The following TRHDE variants were observed in gnomAD, a reference collection of about 807,000 sequenced individuals.
TRHDE encodes the protein thyrotropin-releasing hormone-degrading ectoenzyme.
In TRHDE, 72 loss-of-function variants were observed where a neutral mutation model predicts 125.7. The observed-to-expected ratio is 0.57, with a 90% CI of 0.47 to 0.70. The LOEUF (loss-of-function observed/expected upper bound fraction) is 0.70, where lower values mean the gene tolerates loss of function less well. TRHDE is among the 30% of genes least tolerant of loss of function. TRHDE has a pLI of 0.00. For missense variants in TRHDE, 1,110 were observed against 1,327.1 expected, an observed-to-expected ratio of 0.84 and a Z score of 2.54; for synonymous variants, 509 against 509.1, an observed-to-expected ratio of 1.00 and a Z score of 0.00.
chr12:72,634,019 G>A (rs1326350806), intron 15 of TRHDE, among the ~76,000 whole-genome samples: 2 of 152,062 alleles, frequency 1.3e-5, no homozygotes, highest in Non-Finnish European at 2.9e-5. Context: ...TATTTTCCCA[G>A]AACTGGGCAG....
chr12:72,458,454 T>C (rs528859118), intron 3 of TRHDE, among the ~76,000 whole-genome samples: 1 of 152,170 alleles, frequency 6.6e-6, no homozygotes, highest in Non-Finnish European at 1.5e-5. Context: ...CCTCTGCCTG[T>C]CTCTTAAATC....
intron 2 of TRHDE, among the ~76,000 whole-genome samples, chr12:72,251,425 T>C: frequency 6.8e-6 from 1 of 147,324 alleles, no homozygotes; most frequent in East Asian, 2.0e-4. Context: ...ATTGGGGCTT[T>C]TTTTTTTTTT....
At chr12:72,356,624 A>G (rs1870835485) in intron 2 of TRHDE, among the ~76,000 whole-genome samples, 1 of 151,570 alleles carries the variant, frequency 6.6e-6, no homozygotes, top group African/African-American at 2.4e-5. Flanking sequence ...TATGTGGTTT[A>G]CAGCAATCTA....
intron 6 of TRHDE, among the ~76,000 whole-genome samples, chr12:72,540,089 C>A (rs1869066867): frequency 1.3e-5 from 2 of 151,568 alleles, no homozygotes; most frequent in Admixed American, 1.3e-4. Context: ...ATAGTATGTG[C>A]TTAGTATATG....
intron 2 of TRHDE, among the ~76,000 whole-genome samples, chr12:72,136,624 C>CTG (rs1875991967): frequency 6.6e-6 from 1 of 152,212 alleles, no homozygotes; most frequent in African/African-American, 2.4e-5. Context: ...ATTCTATGTT[C>CTG]TGCAATTTAG....
At chr12:72,091,624 G>A (rs1023687113) in intron 1 of TRHDE, among the ~76,000 whole-genome samples, 2 of 152,178 alleles carry the variant, frequency 1.3e-5, no homozygotes, top group Non-Finnish European at 2.9e-5. Context: ...GTTGGAGGCC[G>A]AAAGACTGAG....
In TRHDE at chr12:72,665,165, A is replaced by G. The variant is rs1355830883; in HGVS notation, c.*1970A>G. 6.6e-6 allele frequency: 1 copy of G among 152,068 alleles called. No individual in the cohort carries two copies. The highest frequency in any genetic ancestry group is 1.5e-5 in the Non-Finnish European group (1 of 67,946). 9.4% of individuals were successfully genotyped at this position (152,068 alleles called of 1,614,324 possible). On this transcript the variant is annotated 3_prime_UTR_variant, in exon 19 of 19. Coordinates refer to ENST00000261180, the MANE Select transcript of TRHDE (RefSeq NM_013381.3). ...TGGTCTATCACCACTGAATTCATGT[A>G]ATAGATAAGAAAAAAATTAGAGGTG...
intron 3 of TRHDE, among the ~76,000 whole-genome samples, chr12:72,416,403 C>T (rs372566234): frequency 1.1e-4 from 17 of 151,898 alleles, no homozygotes; most frequent in African/African-American, 3.6e-4. Flanking sequence ...TTATGTGACC[C>T]CATTTTTTGC....
At chr12:72,223,380 G>A (rs1217087821) in intron 2 of TRHDE, among the ~76,000 whole-genome samples, 1 of 152,034 alleles carries the variant, frequency 6.6e-6, no homozygotes, top group Non-Finnish European at 1.5e-5. Flanking sequence ...TAGAAACCCT[G>A]ATACTGTGAC....
In TRHDE at chr12:72,505,608, T is replaced by C. The variant is rs185843665; in HGVS notation, c.1722+5973T>C. 2.8e-3 allele frequency among the ~76,000 whole-genome samples: 421 copies of C among 152,292 alleles called. 1 individual carries two copies. The highest frequency in any genetic ancestry group is 9.4e-3 in the African/African-American group (392 of 41,560). On this transcript the variant is annotated intron_variant, in intron 6 of 18. Transcript: ENST00000261180. ...CACTTTTTCAGCAATTCTTATGTCG[T>C]GGTTAGTATATCTGTACACCAAACA...
At chr12:72,327,893 A>G (rs930379205) in intron 2 of TRHDE, among the ~76,000 whole-genome samples, 23 of 152,148 alleles carry the variant, frequency 1.5e-4, no homozygotes, top group African/African-American at 5.3e-4. Context: ...TCTTTTTGCC[A>G]CTTGTCTCAC....
chr12:72,184,726 G>A (rs1323542204), intron 2 of TRHDE, among the ~76,000 whole-genome samples: 1 of 151,944 alleles, frequency 6.6e-6, no homozygotes, highest in African/African-American at 2.4e-5. Context: ...AGAGCTTCAG[G>A]CCTTGACTGT....
intron 2 of TRHDE, among the ~76,000 whole-genome samples, chr12:72,375,301 G>C (rs1403132575): frequency 6.6e-6 from 1 of 152,104 alleles, no homozygotes; most frequent in Admixed American, 6.6e-5. Context: ...CTATTCCCTA[G>C]TACAATGCCT....
rs368772725 is a variant in TRHDE at position 72,407,158 on chromosome 12, T to C, written c.1315+29037T>C. Among the ~76,000 whole-genome samples, 7 of 152,130 alleles carry C rather than the reference T, an allele frequency of 4.6e-5. No homozygotes were observed. The East Asian group carries it at 9.6e-4, about 21-fold the overall frequency. ...TTTGGGAGAGAAATGGTCTGTTCTT[T>C]CCTCTGAAAGCTAGATGGGGAAGGC... On this transcript the variant is annotated intron_variant, in intron 3 of 18. Transcript: ENST00000261180.
chr12:72,364,868 G>A (rs1871277244), intron 2 of TRHDE, among the ~76,000 whole-genome samples: 1 of 152,094 alleles, frequency 6.6e-6, no homozygotes, highest in African/African-American at 2.4e-5. Flanking sequence ...TCTTGCTGAA[G>A]AAGTTTGATC....
At chr12:72,576,266 G>A (rs1218621260) in intron 12 of TRHDE, among the ~76,000 whole-genome samples, 1 of 151,992 alleles carries the variant, frequency 6.6e-6, no homozygotes, top group African/African-American at 2.4e-5. Flanking sequence ...ATTAAGACAG[G>A]TGACTCTCTT....
At chr12:72,251,982 T>C (rs1336435407) in intron 2 of TRHDE, among the ~76,000 whole-genome samples, 3 of 152,152 alleles carry the variant, frequency 2.0e-5, no homozygotes, top group Non-Finnish European at 4.4e-5. Context: ...AATTTTCTGG[T>C]TGAATTATTT....
chr12:72,512,518 T>C (rs1214320072), intron 6 of TRHDE, among the ~76,000 whole-genome samples: 4 of 138,096 alleles, frequency 2.9e-5, no homozygotes, highest in Non-Finnish European at 6.1e-5. Context: ...AATTATATTA[T>C]ATATAATATA....
In TRHDE at chr12:72,631,063, A is replaced by G. The variant is rs192180150; in HGVS notation, c.2675+9312A>G. On this transcript the variant is annotated intron_variant, in intron 15 of 18. Transcript: ENST00000261180. Reference sequence around the variant, plus strand: ...TTCATATATAAATAAACCTTATTTTATCCTATTTAATAGGATATTATATTT... The same window carrying G: ...TTCATATATAAATAAACCTTATTTTGTCCTATTTAATAGGATATTATATTT... Among the ~76,000 whole-genome samples, 869 of 151,122 alleles carry G rather than the reference A, an allele frequency of 5.8e-3. 3 individuals carry two copies. The highest frequency in any genetic ancestry group is 9.1e-3 in the Non-Finnish European group (616 of 67,638).
Sources: allele counts gnomAD v4.1 joint callset (sites outside exome capture counted in the v4.1 genomes callset), GRCh38; gene constraint gnomAD v4.1.1; transcripts MANE v1.5; gene names NCBI Gene and HGNC (gene_info 2026-07-23, HGNC 2026-07-21).